TG: variants seen among roughly 807,000 people sequenced by gnomAD.
The protein encoded by TG is thyroglobulin.
A neutral mutation model predicts 324.7 loss-of-function variants in TG; 270 were observed. The observed-to-expected ratio is 0.83, with a 90% confidence interval of 0.75 to 0.92. The LOEUF is 0.92. Ranked by LOEUF, TG falls within the 40% of genes least tolerant of loss-of-function variation. The probability of loss-of-function intolerance (pLI) is 0.00; values close to 1 mark genes in which losing one functional copy is unlikely to be tolerated. For synonymous variants in TG, 1,401 were observed against 1,327.0 expected, an observed-to-expected ratio of 1.06 and a Z score of -1.21; for missense variants, 3,591 against 3,456.4, an observed-to-expected ratio of 1.04 and a Z score of -0.98.
chr8:132,943,954 C>T (rs1824847941), intron 26 of TG, among the ~76,000 whole-genome samples: 1 of 152,224 alleles, frequency 6.6e-6, no homozygotes, highest in African/African-American at 2.4e-5. Context: ...TAGGTCCCAC[C>T]TCCACCTCTT....
At chr8:132,966,076 G>C (rs956871606) in intron 29 of TG, among the ~76,000 whole-genome samples, 1 of 152,190 alleles carries the variant, frequency 6.6e-6, no homozygotes, top group Non-Finnish European at 1.5e-5. Flanking sequence ...AGAGAGGCTG[G>C]ACTTCCATGT....
At chr8:132,914,484 A>G (rs1445389474) in intron 20 of TG, among the ~76,000 whole-genome samples, 1 of 152,244 alleles carries the variant, frequency 6.6e-6, no homozygotes, top group African/African-American at 2.4e-5. Context: ...TAACACAGAA[A>G]ACAGAAAGAC....
intron 26 of TG, among the ~76,000 whole-genome samples, chr8:132,944,994 C>T (rs1001730294): frequency 2.0e-5 from 3 of 151,836 alleles, no homozygotes; most frequent in African/African-American, 7.3e-5. Flanking sequence ...GTTTAAGGGG[C>T]GGGAGGGAGA....
At chr8:132,878,032 G>A (rs901617578) in intron 5 of TG, among the ~76,000 whole-genome samples, 1 of 152,082 alleles carries the variant, frequency 6.6e-6, no homozygotes, top group Non-Finnish European at 1.5e-5. Context: ...GGCAAAGATT[G>A]GCCCACATCA....
At chr8:132,961,467 G>C (rs1376090185) in intron 28 of TG, among the ~76,000 whole-genome samples, 1 of 152,210 alleles carries the variant, frequency 6.6e-6, no homozygotes, top group Non-Finnish European at 1.5e-5. Context: ...ACCCCAGGCA[G>C]GTAGTGCCCT....
chr8:133,095,154 G>A lies in TG; in HGVS notation c.7350G>A (p.Val2450=). ...GCCCCATGTCATCCAGCCAAGAAGT[G>A]GTGTCCTGCCTCCGCCAGAAGCCTG... ...VSCPMSSSQE[V]VSCLRQKPAN... Residue 2450 remains valine (V), a synonymous_variant, in exon 42 of 48, where the codon GTG becomes GTA. Transcript: ENST00000220616. The A allele has an allele frequency of 6.2e-7, 1 of 1,614,228 alleles. No homozygotes were observed. The highest frequency in any genetic ancestry group is 8.5e-7 in the Non-Finnish European group (1 of 1,180,040).
intron 24 of TG, among the ~76,000 whole-genome samples, chr8:132,934,583 A>G (rs1823284093): frequency 6.6e-6 from 1 of 152,126 alleles, no homozygotes; most frequent in African/African-American, 2.4e-5. Flanking sequence ...GGTCTGCGGG[A>G]ATGTCTTCTT....
At chr8:132,932,346 C>A (rs1342589966) in intron 23 of TG, among the ~76,000 whole-genome samples, 1 of 152,078 alleles carries the variant, frequency 6.6e-6, no homozygotes. Flanking sequence ...CATCTCTATC[C>A]CAGATACCAG....
chr8:132,929,968 G>A (rs1011520560), intron 23 of TG, among the ~76,000 whole-genome samples: 5 of 152,194 alleles, frequency 3.3e-5, no homozygotes, highest in East Asian at 1.9e-4. Context: ...GAGCGTAGTC[G>A]CAATAGTTAG....
At chr8:132,883,042 A>G (rs1390468972) in intron 8 of TG, 43 bp downstream of exon 8, 3 of 1,598,716 alleles carry the variant, frequency 1.9e-6, no homozygotes, top group Non-Finnish European at 2.6e-6. Flanking sequence ...CTCGGATCAT[A>G]TTACTTTGGC....
intron 41 of TG, among the ~76,000 whole-genome samples, chr8:133,073,817 C>G (rs1352544637): frequency 6.6e-6 from 1 of 152,174 alleles, no homozygotes; most frequent in Admixed American, 6.5e-5. Flanking sequence ...CCTCTACCTC[C>G]CACCAGCTCC....
intron 41 of TG, among the ~76,000 whole-genome samples, chr8:133,052,454 T>C (rs1840590273): frequency 6.6e-6 from 1 of 152,106 alleles, no homozygotes. Context: ...TGAGAAACAG[T>C]CGTGTCGGGA....
chr8:132,906,665 C>T (rs371987616), intron 16 of TG, 23 bp from the exon 17 acceptor site: 83 of 1,613,008 alleles, frequency 5.1e-5, no homozygotes, highest in Non-Finnish European at 6.3e-5. Flanking sequence ...GTGCCCACCA[C>T]GGCTCCACTT....
chr8:133,083,202 T>G (rs1306772304), intron 41 of TG, among the ~76,000 whole-genome samples: 1 of 152,228 alleles, frequency 6.6e-6, no homozygotes, highest in Non-Finnish European at 1.5e-5. Context: ...TATCATTATT[T>G]ATTATTGGTA....
chr8:132,995,334 G>GCTGCTC (rs1233229525), intron 35 of TG: 2 of 984,998 alleles, frequency 2.0e-6, no homozygotes, highest in Non-Finnish European at 2.4e-6. Flanking sequence ...ATGAGCAGCA[G>GCTGCTC]CTGCTCCTGC....
chr8:132,911,474 C>G lies in TG; in HGVS notation c.4100C>G (p.Thr1367Arg). 1.9e-6 allele frequency: 3 copies of G among 1,614,218 alleles called. No individual in the cohort carries two copies. The highest frequency in any genetic ancestry group is 2.5e-6 in the Non-Finnish European group (3 of 1,180,036). ...LTRERLGVNV[T>R]WKSRLEDIPV... ...AGGGAGCGTTTAGGAGTGAATGTTA[C>G]ATGGAAATCACGGCTTGAGGACATC... is the stretch of plus-strand genomic sequence containing the variant. Residue 1367 changes from threonine (T) to arginine (R), a missense_variant, in exon 19 of 48, where the codon ACA becomes AGA. Coordinates refer to ENST00000220616, the MANE Select transcript of TG (RefSeq NM_003235.5).
At chr8:133,114,995 T>A (rs146975209) in intron 44 of TG, among the ~76,000 whole-genome samples, 2 of 152,126 alleles carry the variant, frequency 1.3e-5, no homozygotes, top group African/African-American at 4.8e-5. Flanking sequence ...AACAGCTATT[T>A]TGGGAGGCCT....
intron 41 of TG, chr8:133,047,545 T>G: frequency 2.2e-6 from 1 of 447,050 alleles, no homozygotes; most frequent in Non-Finnish European, 4.2e-6. Context: ...ACACACTGCG[T>G]TCAGTTTTGT....
At chr8:132,984,502 T>A (rs1831282791) in intron 35 of TG, among the ~76,000 whole-genome samples, 1 of 152,050 alleles carries the variant, frequency 6.6e-6, no homozygotes, top group Non-Finnish European at 1.5e-5. Flanking sequence ...GATGGTGGAG[T>A]AGGGCTTAGA....
Sources: gnomAD v4.1 joint callset for allele counts (sites outside exome capture counted in the v4.1 genomes callset) on GRCh38, gnomAD v4.1.1 for gene constraint, MANE v1.5 for transcripts, NCBI Gene and HGNC (gene_info 2026-07-23, HGNC 2026-07-21) for gene names.